Variants in TTN observed in about 807,000 individuals in gnomAD.
TTN encodes connectin.
In TTN, 1,525 loss-of-function variants were observed where a neutral mutation model predicts 3,223.0. The observed-to-expected ratio is 0.47, with a 90% CI of 0.45 to 0.49. The LOEUF is 0.49. Among genes scored for constraint, TTN ranks in the 20% least tolerant of loss-of-function variants. The pLI is 0.00. For missense variants in TTN, 40,786 were observed against 43,424.0 expected (o/e 0.94, Z 5.40); for synonymous variants, 14,094 against 15,161.0 (o/e 0.93, Z 5.17).
rs143093473 is a variant in TTN at position 178,734,884 on chromosome 2, T to A, written c.15040A>T (p.Thr5014Ser). The A allele has an allele frequency of 2.4e-5, 39 of 1,613,514 alleles. No homozygotes were observed. In the East Asian group the frequency reaches 8.0e-4, roughly 33 times the overall value. The change falls in exon 51 of 363, where the codon ACT becomes TCT. Residue 5014 changes from threonine (T) to serine (S), a missense_variant. Thr to Ser is a moderately conservative substitution (Grantham distance 58). Coordinates refer to ENST00000589042, the MANE Select transcript of TTN (RefSeq NM_001267550.2). ...AGTTCTTTGTTATTTTTAAACCAAG[T>A]AACCTGGATCACAGGTGAGCCTTTC... Reference protein sequence around the residue: ...KLKGSPVIQVTWFKNNKELSE... With the variant: ...KLKGSPVIQVSWFKNNKELSE...
At position 178,533,927 on chromosome 2, in the gene TTN, T is replaced by G. The variant is rs745836095; in HGVS notation, c.102688A>C (p.Arg34230=). Residue 34230 remains arginine (R), a synonymous_variant, in exon 358 of 363, where the codon AGA becomes CGA. Transcript: ENST00000589042. ...SYAELFVKGV[R]EVYDYYCRRT... ...CGGCAGTAATAGTCATAGACTTCTC[T>G]CACACCTTTAACAAATAGCTCTGCA... 4.3e-6 allele frequency: 7 copies of G among 1,613,792 alleles called. No individual in the cohort carries two copies. The highest frequency in any genetic ancestry group is 5.9e-6 in the Non-Finnish European group (7 of 1,179,876).
Position 178,599,161 on chromosome 2 carries a change from C to T in TTN, c.56632G>A (p.Ala18878Thr), listed in dbSNP as rs886042564. The T allele has an allele frequency of 6.0e-6, 9 of 1,505,518 alleles. No homozygotes were observed. Among genetic ancestry groups the T allele is most frequent in the Middle Eastern group, 1.8e-4 (1 of 5,602 alleles). 93.3% of individuals were successfully genotyped at this position (1,505,518 alleles called of 1,614,324 possible). A position where few individuals can be genotyped will look rare whatever the true frequency, so the allele number is the denominator to read the frequency against. The change falls in exon 290 of 363, where the codon GCA becomes ACA. Residue 18878 changes from alanine (A) to threonine (T), a missense_variant. Coordinates refer to ENST00000589042, the MANE Select transcript of TTN (RefSeq NM_001267550.2). ...GEPLDSEPETARNLFSVPGAP... is the reference protein window; with the variant it reads ...GEPLDSEPETTRNLFSVPGAP... ...TCCTACTTACAGAAGAGGTTTCTTG[C>T]TGTTTCAGGTTCACTGTCAAGAGGT...
At chr2:178,591,926 T>C (rs2050298320) in intron 302 of TTN, 34 bp from the exon 303 acceptor site, 1 of 1,605,834 alleles carries the variant, frequency 6.2e-7, no homozygotes, top group Admixed American at 1.7e-5. Flanking sequence ...GAAAAAGTAA[T>C]ATTCTTAAAG....
chr2:178,713,353 T>C lies in TTN; in HGVS notation c.26781A>G (p.Ser8927=). ...TTGTCTCTTTCAATTTTCTTGTGAA[T>C]GAAGGAGGAACGGTTCGGTCTGAAT... The part of the protein sequence containing the change: ...LQVSDRTVPP[S]FTRKLKETNG... Residue 8927 remains serine, a synonymous_variant, in exon 93 of 363, where the codon TCA becomes TCG. Coordinates refer to ENST00000589042, the MANE Select transcript of TTN (RefSeq NM_001267550.2). The C allele has an allele frequency of 2.6e-6, 4 of 1,548,198 alleles. No individual in the cohort carries two copies. Among genetic ancestry groups the C allele is most frequent in the African/African-American group, 1.4e-5 (1 of 73,190 alleles).
At chr2:178,749,139 T>G in intron 47 of TTN, 6 of 1,612,742 alleles carry the variant, frequency 3.7e-6, no homozygotes, top group Non-Finnish European at 3.4e-6. Context: ...GAGTGAATAT[T>G]TGGTAAATAG....
chr2:178,541,644 A>C, intron 349 of TTN, 60 bp from the exon 350 acceptor site: 57 of 1,422,048 alleles, frequency 4.0e-5, no homozygotes, highest in Non-Finnish European at 4.6e-5. Context: ...ACAATGACTC[A>C]TATATTTGTG....
intron 64 of TTN, 59 bp downstream of exon 64, chr2:178,729,229 A>G (rs984371308): frequency 5.2e-5 from 80 of 1,548,868 alleles, no homozygotes; most frequent in African/African-American, 6.9e-5. Flanking sequence ...ACCCATAATG[A>G]TAAGATTTAA....
chr2:178,751,046 T>C (rs746699694), intron 47 of TTN: 1 of 1,612,682 alleles, frequency 6.2e-7, no homozygotes, highest in Non-Finnish European at 8.5e-7. Context: ...TTCCTCAGAT[T>C]CTATATTTTG....
At position 178,679,907 on chromosome 2, in the gene TTN, C is replaced by T. The variant is rs1246908241; in HGVS notation, c.33567G>A (p.Val11189=). The T allele has an allele frequency of 6.2e-7, 1 of 1,613,070 alleles. No homozygotes were observed. The highest frequency in any genetic ancestry group is 8.5e-7 in the Non-Finnish European group (1 of 1,179,342). ...EFITEEEVVP[V]IPVKVPEVPR... ...GGCATCATCTACCTTTGACTGGTAT[C>T]ACTGGCACCACTTCTTCCTCAGTTA... The change falls in exon 140 of 363, where the codon GTG becomes GTA. Residue 11189 remains valine, a synonymous_variant. Coordinates refer to ENST00000589042, the MANE Select transcript of TTN (RefSeq NM_001267550.2).
intron 57 of TTN, 21 bp downstream of exon 57, chr2:178,732,045 A>T: frequency 6.3e-7 from 1 of 1,591,084 alleles, no homozygotes; most frequent in Non-Finnish European, 8.6e-7. Flanking sequence ...TGGCAACACA[A>T]GAGGCAAAGT....
intron 180 of TTN, among the ~76,000 whole-genome samples, chr2:178,660,968 CAAT>C (rs1266959938): frequency 8.1e-6 from 1 of 123,410 alleles, no homozygotes; most frequent in Non-Finnish European, 1.7e-5. Context: ...ATCAAAACCA[CAAT>C]GAGATACCAT....
chr2:178,709,823 A>G lies in TTN; in HGVS notation c.28496T>C (p.Leu9499Pro). The G allele has an allele frequency of 6.2e-7, 1 of 1,612,704 alleles. No individual in the cohort carries two copies. The highest frequency in any genetic ancestry group is 8.5e-7 in the Non-Finnish European group (1 of 1,179,312). The stretch of plus-strand genomic sequence containing the variant: ...TTCTGTTTCTTCTACTGTCTCTGAG[A>G]GTCTTTTAGTGAAACTTGGTGGGAT... ...RLIPPSFTKRLSETVEETEGN... is the reference protein window; with the variant it reads ...RLIPPSFTKRPSETVEETEGN... The change falls in exon 99 of 363, where the codon CTC becomes CCC. Residue 9499 changes from leucine to proline, a missense_variant. Transcript: ENST00000589042.
intron 213 of TTN, among the ~76,000 whole-genome samples, chr2:178,647,974 TG>T (rs1203158174): frequency 6.6e-6 from 1 of 152,126 alleles, no homozygotes; most frequent in East Asian, 1.9e-4. Context: ...GTTTTGATAA[TG>T]GTCAGAGGCC....
chr2:178,587,454 T>C lies in TTN; in HGVS notation c.63794-37A>G, dbSNP rs72646856. ...CATAAAATCAGATATACATGTCTCC[T>C]CAGCATCCCTATTAACAAATTCATT... is the stretch of plus-strand genomic sequence containing the variant. On this transcript the variant is annotated intron_variant, in intron 306 of 362. Coordinates refer to ENST00000589042, the MANE Select transcript of TTN (RefSeq NM_001267550.2). 6,357 of 1,602,868 alleles carry C rather than the reference T, an allele frequency of 4.0e-3. 50 individuals carry two copies. The highest frequency in any genetic ancestry group is 0.036 in the East Asian group (1,593 of 44,342).
Position 178,666,825 on chromosome 2 carries a change from T to A in TTN, c.35874A>T (p.Thr11958=). The stretch of plus-strand genomic sequence containing the variant: ...AGGTGACTTTCTTCCAACTTGTACC[T>A]GTTGGTGATGGTGTTTTTCTTCTTT... ...IVKRRKTPSP[T]VPESPREIVP... Residue 11958 remains threonine (T), a splice_region_variant and synonymous_variant, in exon 163 of 363, where the codon ACA becomes ACT. Coordinates refer to ENST00000589042, the MANE Select transcript of TTN (RefSeq NM_001267550.2). 2 of 1,561,140 alleles carry A rather than the reference T, an allele frequency of 1.3e-6. No individual in the cohort carries two copies. The highest frequency in any genetic ancestry group is 1.7e-6 in the Non-Finnish European group (2 of 1,152,984).
chr2:178,561,261 G>A lies in TTN; in HGVS notation c.84871C>T (p.Arg28291Cys), dbSNP rs192152102. 5.9e-4 allele frequency: 944 copies of A among 1,613,660 alleles called. No individual in the cohort carries two copies. Among genetic ancestry groups the A allele is most frequent in the Non-Finnish European group, 6.2e-4 (729 of 1,179,778 alleles). ...CACCGGCCATCTGGTAGTTCTCTGC[G>A]TTCAACAATGTATCCTGTGATCTTA... Reference protein sequence around the residue: ...GAKITGYIVERRELPDGRWLK... With the variant: ...GAKITGYIVECRELPDGRWLK... Residue 28291 changes from arginine (R) to cysteine (C), a missense_variant, in exon 326 of 363, where the codon CGC (arginine) becomes TGC (cysteine). By Grantham distance (180) the Arg-to-Cys change is radical (BLOSUM62 -3). Coordinates refer to ENST00000589042, the MANE Select transcript of TTN (RefSeq NM_001267550.2).
At chr2:178,747,047 G>T (rs1411534738) in intron 47 of TTN, 2 of 1,613,342 alleles carry the variant, frequency 1.2e-6, no homozygotes, top group East Asian at 4.5e-5. Flanking sequence ...AGTAGGAATA[G>T]AATATCTCTC....
At chr2:178,755,966 G>A (rs1425120885) in intron 46 of TTN, among the ~76,000 whole-genome samples, 2 of 152,148 alleles carry the variant, frequency 1.3e-5, no homozygotes, top group African/African-American at 2.4e-5. Context: ...ATTAGAAAAT[G>A]CAGCACATAG....
At position 178,579,056 on chromosome 2, in the gene TTN, T is replaced by C. The variant is rs749924032; in HGVS notation, c.67974A>G (p.Ala22658=). ...TGPIKFDEVT[A]EAMTLKWAPP... is the part of the protein sequence containing the mutation. Reference sequence around the variant, plus strand: ...GAGCCCACTTTAAGGTCATGGCTTCTGCTGTGACTTCATCAAATTTGATTG... The same window carrying C: ...GAGCCCACTTTAAGGTCATGGCTTCCGCTGTGACTTCATCAAATTTGATTG... The change falls in exon 320 of 363, where the codon GCA becomes GCG. Residue 22658 remains alanine, a synonymous_variant. Coordinates refer to ENST00000589042, the MANE Select transcript of TTN (RefSeq NM_001267550.2). 5.0e-6 allele frequency: 8 copies of C among 1,613,298 alleles called. No individual in the cohort carries two copies. The highest frequency in any genetic ancestry group is 6.8e-6 in the Non-Finnish European group (8 of 1,179,506).
Sources: allele counts gnomAD v4.1 joint callset (sites outside exome capture counted in the v4.1 genomes callset), GRCh38; gene constraint gnomAD v4.1.1; transcripts MANE v1.5; gene names NCBI Gene and HGNC (gene_info 2026-07-23, HGNC 2026-07-21).